The following RIMS4 variants were observed in gnomAD, a reference collection of about 807,000 sequenced individuals.
The protein encoded by RIMS4 is regulating synaptic membrane exocytosis 4.
RIMS4 carries 9 observed loss-of-function variants against 29.0 expected under a neutral mutation model. That is an observed-to-expected ratio of 0.31 (90% CI 0.19 to 0.54). The LOEUF (loss-of-function observed/expected upper bound fraction) is 0.54. RIMS4 is among the 20% of genes least tolerant of loss of function. The probability of loss-of-function intolerance (pLI) is 0.94; values close to 1 mark genes in which losing one functional copy is unlikely to be tolerated. For synonymous variants in RIMS4, 130 were observed against 152.9 expected, an observed-to-expected ratio of 0.85 and a Z score of 1.10; for missense variants, 193 against 365.7, an observed-to-expected ratio of 0.53 and a Z score of 3.85.
At position 44,800,649 on chromosome 20, in the gene RIMS4, A is replaced by G. The variant is rs2066273980; in HGVS notation, c.97+9526T>C. On this transcript the variant is annotated intron_variant, in intron 1 of 5. Coordinates refer to ENST00000372851, the MANE Select transcript of RIMS4 (RefSeq NM_182970.4). ...GGCTACCGCAGAGTCAGGGGGAGAC[A>G]AAGGAGGAACTGGAGGGCCTGTACA... 2.6e-5 allele frequency among the ~76,000 whole-genome samples: 4 copies of G among 152,048 alleles called. No individual in the cohort carries two copies. In the South Asian group the frequency reaches 8.3e-4, roughly 32 times the overall value.
At chr20:44,769,917 C>G (rs910862738) in intron 2 of RIMS4, among the ~76,000 whole-genome samples, 1 of 152,210 alleles carries the variant, frequency 6.6e-6, no homozygotes, top group Non-Finnish European at 1.5e-5. Context: ...CAGTACTGTT[C>G]AAACGAATTT....
At chr20:44,781,761 A>C (rs759941217) in intron 1 of RIMS4, among the ~76,000 whole-genome samples, 1 of 152,218 alleles carries the variant, frequency 6.6e-6, no homozygotes, top group Non-Finnish European at 1.5e-5. Flanking sequence ...GTTTTTCCTC[A>C]GGAAGCTATT....
chr20:44,789,166 T>C (rs1379968643), intron 1 of RIMS4, among the ~76,000 whole-genome samples: 1 of 151,542 alleles, frequency 6.6e-6, no homozygotes, highest in East Asian at 1.9e-4. Context: ...GAGAGGGTGG[T>C]TTAAATCCGG....
chr20:44,762,794 G>A (rs560632258), intron 2 of RIMS4, among the ~76,000 whole-genome samples: 365 of 152,264 alleles, frequency 2.4e-3, no homozygotes, highest in Non-Finnish European at 4.4e-3. Context: ...ATCCAACTGC[G>A]GGTCTTCCCT....
chr20:44,808,315 C>G (rs759871695), intron 1 of RIMS4, among the ~76,000 whole-genome samples: 1 of 152,164 alleles, frequency 6.6e-6, no homozygotes, highest in African/African-American at 2.4e-5. Context: ...GTTATCTGTT[C>G]TGACTTAAGT....
intron 1 of RIMS4, among the ~76,000 whole-genome samples, chr20:44,777,773 C>G (rs779113172): frequency 6.6e-6 from 1 of 152,190 alleles, no homozygotes; most frequent in Non-Finnish European, 1.5e-5. Context: ...GGCTCCATGA[C>G]CTGTTCCAGG....
intron 1 of RIMS4, among the ~76,000 whole-genome samples, chr20:44,796,984 A>AG (rs1427788646): frequency 6.6e-6 from 1 of 152,198 alleles, no homozygotes; most frequent in African/African-American, 2.4e-5. Flanking sequence ...GTCCTAGCCC[A>AG]GTCTCCTATT....
intron 1 of RIMS4, among the ~76,000 whole-genome samples, chr20:44,797,825 T>A (rs1193049674): frequency 6.6e-6 from 1 of 152,242 alleles, no homozygotes. Flanking sequence ...TTGCCATGTG[T>A]CTTTGATATG....
intron 1 of RIMS4, among the ~76,000 whole-genome samples, chr20:44,778,776 A>G (rs1425563361): frequency 6.6e-6 from 1 of 152,208 alleles, no homozygotes; most frequent in African/African-American, 2.4e-5. Flanking sequence ...GGTTAAAAGC[A>G]TGGACAATGG....
intron 2 of RIMS4, among the ~76,000 whole-genome samples, chr20:44,769,623 TTCCTCC>T (rs376688441): frequency 1.3e-5 from 2 of 151,974 alleles, no homozygotes; most frequent in African/African-American, 4.8e-5. Context: ...ACTGGCTCCC[TTCCTCC>T]TCCTCCTCCT....
rs543798337 is a variant in RIMS4, at chr20:44,798,809, T to G, written c.97+11366A>C. Among the ~76,000 whole-genome samples the G allele has an allele frequency of 6.6e-5, 10 of 152,372 alleles. 1 individual carries two copies. Among genetic ancestry groups the G allele is most frequent in the Non-Finnish European group, 1.0e-4 (7 of 68,034 alleles). On this transcript the variant is annotated intron_variant, in intron 1 of 5. Coordinates refer to ENST00000372851, the MANE Select transcript of RIMS4 (RefSeq NM_182970.4). Reference sequence around the variant, plus strand: ...AGCCAAGTGCCCATGTCTGGCTGCTTCTTCTCCTGCCCCATGCTGCGTCTC... The same window carrying G: ...AGCCAAGTGCCCATGTCTGGCTGCTGCTTCTCCTGCCCCATGCTGCGTCTC...
chr20:44,777,659 G>A (rs1387550463), intron 1 of RIMS4, among the ~76,000 whole-genome samples: 2 of 152,158 alleles, frequency 1.3e-5, no homozygotes, highest in Non-Finnish European at 2.9e-5. Flanking sequence ...GATGTGTTGG[G>A]GGGAGGGAGA....
intron 2 of RIMS4, among the ~76,000 whole-genome samples, chr20:44,764,384 G>C (rs1365177709): frequency 6.6e-6 from 1 of 152,196 alleles, no homozygotes; most frequent in Non-Finnish European, 1.5e-5. Context: ...AATGGGGTCA[G>C]TGTCACATCA....
At chr20:44,783,436 A>G (rs2066193564) in intron 1 of RIMS4, among the ~76,000 whole-genome samples, 1 of 152,212 alleles carries the variant, frequency 6.6e-6, no homozygotes, top group Non-Finnish European at 1.5e-5. Flanking sequence ...CACCCTGACC[A>G]ATATGGTGAA....
At chr20:44,786,704 T>A (rs1215880164) in intron 1 of RIMS4, among the ~76,000 whole-genome samples, 1 of 152,196 alleles carries the variant, frequency 6.6e-6, no homozygotes, top group Non-Finnish European at 1.5e-5. Flanking sequence ...TGGAATTCTC[T>A]CACTCATCTT....
intron 1 of RIMS4, among the ~76,000 whole-genome samples, chr20:44,787,201 G>C (rs970875886): frequency 1.3e-5 from 2 of 152,146 alleles, no homozygotes; most frequent in Non-Finnish European, 2.9e-5. Context: ...GCAAGGGGGA[G>C]TGGTGTGAGA....
intron 1 of RIMS4, among the ~76,000 whole-genome samples, chr20:44,793,402 G>A (rs1053301641): frequency 6.6e-6 from 1 of 152,292 alleles, no homozygotes; most frequent in East Asian, 1.9e-4. Flanking sequence ...GAATGCGGAG[G>A]GGGAGGGAGC....
At chr20:44,790,077 A>T (rs2066226366) in intron 1 of RIMS4, among the ~76,000 whole-genome samples, 1 of 152,256 alleles carries the variant, frequency 6.6e-6, no homozygotes, top group African/African-American at 2.4e-5. Flanking sequence ...AATGTGGTTG[A>T]ACATCAGAAT....
At chr20:44,762,433 G>C (rs34008874) in intron 2 of RIMS4, among the ~76,000 whole-genome samples, 1 of 152,140 alleles carries the variant, frequency 6.6e-6, no homozygotes, top group Admixed American at 6.5e-5. Flanking sequence ...GGCTCCAAAA[G>C]CCTGAGAAAT....
Sources: allele counts gnomAD v4.1 joint callset (sites outside exome capture counted in the v4.1 genomes callset), GRCh38; gene constraint gnomAD v4.1.1; transcripts MANE v1.5; gene names NCBI Gene and HGNC (gene_info 2026-07-23, HGNC 2026-07-21).